Variants in SNTB1 observed in about 807,000 individuals in gnomAD.
The protein encoded by SNTB1 is beta-1-syntrophin.
A neutral mutation model predicts 48.9 loss-of-function variants in SNTB1; 36 were observed. The ratio of observed to expected loss-of-function variants is 0.74; its 90% CI spans 0.56 to 0.97. The LOEUF is 0.97. Among genes scored for constraint, SNTB1 ranks in the 50% least tolerant of loss-of-function variants. SNTB1 has a pLI of 0.00. For synonymous variants in SNTB1, 299 were observed against 294.6 expected, an observed-to-expected ratio of 1.01 and a Z score of -0.15; for missense variants, 786 against 703.4, an observed-to-expected ratio of 1.12 and a Z score of -1.33.
chr8:120,671,484 G>A (rs1229515017), intron 2 of SNTB1, among the ~76,000 whole-genome samples: 1 of 152,206 alleles, frequency 6.6e-6, no homozygotes, highest in African/African-American at 2.4e-5. Context: ...GCAGCTACAA[G>A]CCAAGAAATA....
intron 6 of SNTB1, among the ~76,000 whole-genome samples, chr8:120,539,799 CATT>C (rs1815255851): frequency 6.6e-6 from 1 of 152,178 alleles, no homozygotes; most frequent in South Asian, 2.1e-4. Context: ...AGGTGGTACT[CATT>C]ATGAGCCAGG....
intron 1 of SNTB1, among the ~76,000 whole-genome samples, chr8:120,796,894 A>C (rs1360139659): frequency 6.6e-6 from 1 of 152,064 alleles, no homozygotes; most frequent in Admixed American, 6.6e-5. Flanking sequence ...TAAAAGAAAA[A>C]GTTTCAACCT....
chr8:120,786,106 C>G (rs894534708), intron 1 of SNTB1, among the ~76,000 whole-genome samples: 1 of 152,230 alleles, frequency 6.6e-6, no homozygotes, highest in Non-Finnish European at 1.5e-5. Flanking sequence ...GACTAGAGGA[C>G]AGGTTATACC....
intron 4 of SNTB1, among the ~76,000 whole-genome samples, chr8:120,549,972 A>AT (rs1563814642): frequency 6.6e-6 from 1 of 152,174 alleles, no homozygotes; most frequent in Non-Finnish European, 1.5e-5. Context: ...TACAAGAGTT[A>AT]TTTTCTTAGG....
chr8:120,596,332 A>G (rs1280274226), intron 3 of SNTB1, among the ~76,000 whole-genome samples: 1 of 152,218 alleles, frequency 6.6e-6, no homozygotes, highest in Non-Finnish European at 1.5e-5. Flanking sequence ...AATTTTGAGT[A>G]TATCTATATG....
chr8:120,597,839 G>A (rs1009219615), intron 3 of SNTB1, among the ~76,000 whole-genome samples: 6 of 152,158 alleles, frequency 3.9e-5, no homozygotes, highest in African/African-American at 1.4e-4. Flanking sequence ...CTGCCCCAAC[G>A]ACTTACAATC....
At chr8:120,658,056 A>C (rs1214010219) in intron 2 of SNTB1, among the ~76,000 whole-genome samples, 1 of 152,222 alleles carries the variant, frequency 6.6e-6, no homozygotes, top group Non-Finnish European at 1.5e-5. Context: ...CATTACCAAA[A>C]TATCACTCAT....
rs991352413 is a variant in SNTB1 at position 120,782,308 on chromosome 8, T to C, written c.571+28965A>G. Among the ~76,000 whole-genome samples, 6 of 152,266 alleles carry C rather than the reference T, an allele frequency of 3.9e-5. No homozygotes were observed. The East Asian group carries it at 1.2e-3, about 29-fold the overall frequency. ...ACCTTTTGAGATACTGGAGTTAAGA[T>C]TTCAATATATGAATTTTGAGGAGAC... On this transcript the variant is annotated intron_variant, in intron 1 of 6. Transcript: ENST00000517992.
At chr8:120,804,578 T>C (rs1472987994) in intron 1 of SNTB1, among the ~76,000 whole-genome samples, 2 of 152,146 alleles carry the variant, frequency 1.3e-5, no homozygotes, top group Non-Finnish European at 2.9e-5. Context: ...GGAAGTCACC[T>C]ACTCTCTGGC....
At chr8:120,752,460 T>A (rs1159977003) in intron 1 of SNTB1, among the ~76,000 whole-genome samples, 3 of 151,970 alleles carry the variant, frequency 2.0e-5, no homozygotes, top group Non-Finnish European at 2.9e-5. Flanking sequence ...TAAAGGAAAA[T>A]CAATCATTCT....
intron 5 of SNTB1, among the ~76,000 whole-genome samples, chr8:120,544,545 C>A (rs1234670939): frequency 6.6e-6 from 1 of 152,188 alleles, no homozygotes; most frequent in Non-Finnish European, 1.5e-5. Flanking sequence ...ATTTCCTATT[C>A]TCCACTGATT....
chr8:120,779,574 C>T (rs1819795979), intron 1 of SNTB1, among the ~76,000 whole-genome samples: 2 of 151,964 alleles, frequency 1.3e-5, no homozygotes, highest in Admixed American at 1.3e-4. Flanking sequence ...ACTGAGAGCC[C>T]AACTGTAGAA....
intron 6 of SNTB1, among the ~76,000 whole-genome samples, chr8:120,540,906 C>G (rs1442642899): frequency 6.6e-6 from 1 of 152,114 alleles, no homozygotes; most frequent in African/African-American, 2.4e-5. Context: ...TCCCTAGGGT[C>G]TGTTAGGTGT....
intron 4 of SNTB1, among the ~76,000 whole-genome samples, chr8:120,564,672 G>A (rs1386646313): frequency 6.8e-6 from 1 of 146,502 alleles, no homozygotes; most frequent in African/African-American, 2.5e-5. Flanking sequence ...AGGTTCAGGT[G>A]ATTCTCCTGC....
intron 1 of SNTB1, among the ~76,000 whole-genome samples, chr8:120,801,243 A>G (rs1820221064): frequency 6.6e-6 from 1 of 152,036 alleles, no homozygotes; most frequent in South Asian, 2.1e-4. Flanking sequence ...CAAGGCCTCA[A>G]AGAACCAAAT....
At chr8:120,792,236 G>T (rs1469108216) in intron 1 of SNTB1, among the ~76,000 whole-genome samples, 1 of 151,146 alleles carries the variant, frequency 6.6e-6, no homozygotes, top group Non-Finnish European at 1.5e-5. Flanking sequence ...TATTCTAAGT[G>T]AAGTAACTCA....
intron 4 of SNTB1, among the ~76,000 whole-genome samples, chr8:120,556,619 A>T (rs568463509): frequency 1.3e-5 from 2 of 152,316 alleles, no homozygotes; most frequent in African/African-American, 4.8e-5. Context: ...ATTGCTGTAC[A>T]TATTATGGTA....
intron 1 of SNTB1, among the ~76,000 whole-genome samples, chr8:120,715,942 G>A (rs1259340442): frequency 1.3e-5 from 2 of 152,164 alleles, no homozygotes; most frequent in African/African-American, 2.4e-5. Context: ...ATCAATCTGC[G>A]ATGTCCCATT....
chr8:120,589,003 A>G lies in SNTB1; in HGVS notation c.997-13778T>C, dbSNP rs560438264. ...ATGTATATACCACTCATTTTCTACC[A>G]GTGACCAGTCTCCTTGGATTCCGTG... On this transcript the variant is annotated intron_variant, in intron 3 of 6. Coordinates refer to ENST00000517992, the MANE Select transcript of SNTB1 (RefSeq NM_021021.4). Among the ~76,000 whole-genome samples, 13 of 152,320 alleles carry G rather than the reference A, an allele frequency of 8.5e-5. No individual in the cohort carries two copies. In the East Asian group the frequency reaches 2.5e-3, roughly 29 times the overall value.
Sources: allele counts gnomAD v4.1 joint callset (sites outside exome capture counted in the v4.1 genomes callset), GRCh38; gene constraint gnomAD v4.1.1; transcripts MANE v1.5; gene names NCBI Gene and HGNC (gene_info 2026-07-23, HGNC 2026-07-21).